INPP4B: variants seen among roughly 807,000 people sequenced by gnomAD.
INPP4B encodes inositol polyphosphate-4-phosphatase type II B, also known as inositol polyphosphate 4-phosphatase type II.
Under a neutral mutation model 122.5 loss-of-function variants are expected in INPP4B, and 55 were observed. The observed-to-expected ratio is 0.45, with a 90% confidence interval of 0.36 to 0.56. The LOEUF is 0.56. Ranked by LOEUF, INPP4B falls within the 20% of genes least tolerant of loss-of-function variation. The pLI is 0.00. For missense variants in INPP4B, 1,000 were observed against 1,097.7 expected (o/e 0.91, Z 1.26); for synonymous variants, 403 against 388.7 (o/e 1.04, Z -0.43).
intron 11 of INPP4B, among the ~76,000 whole-genome samples, chr4:142,258,230 C>T (rs867359592): frequency 6.6e-6 from 1 of 151,548 alleles, no homozygotes; most frequent in Non-Finnish European, 1.5e-5. Context: ...TTAAACGTTA[C>T]ACCTAAAACC....
chr4:142,551,596 G>C (rs991392088), intron 2 of INPP4B, among the ~76,000 whole-genome samples: 2 of 152,126 alleles, frequency 1.3e-5, no homozygotes, highest in East Asian at 3.9e-4. Context: ...ATACACAAAG[G>C]TCTCGTGTGA....
intron 21 of INPP4B, among the ~76,000 whole-genome samples, chr4:142,117,591 G>T (rs2152730337): frequency 6.6e-6 from 1 of 152,160 alleles, no homozygotes; most frequent in Admixed American, 6.5e-5. Context: ...ATGCAGAAAA[G>T]GCCTTTGACA....
intron 14 of INPP4B, among the ~76,000 whole-genome samples, chr4:142,195,221 G>A (rs1243513432): frequency 6.6e-6 from 1 of 152,144 alleles, no homozygotes; most frequent in Non-Finnish European, 1.5e-5. Flanking sequence ...CTTGCATGAG[G>A]TTTTCAAAAT....
intron 1 of INPP4B, among the ~76,000 whole-genome samples, chr4:142,757,607 T>C (rs972998548): frequency 3.3e-5 from 5 of 152,200 alleles, no homozygotes; most frequent in Admixed American, 2.0e-4. Context: ...TTTTTCTAAC[T>C]TGATAGCTCA....
At chr4:142,242,045 TTTAA>T (rs1454405146) in intron 11 of INPP4B, among the ~76,000 whole-genome samples, 8 of 152,230 alleles carry the variant, frequency 5.3e-5, no homozygotes, top group African/African-American at 1.9e-4. Context: ...TATGTAGTTG[TTTAA>T]TTAATTATTC....
intron 2 of INPP4B, among the ~76,000 whole-genome samples, chr4:142,467,743 G>A (rs897441129): frequency 3.3e-5 from 5 of 152,046 alleles, no homozygotes; most frequent in African/African-American, 9.7e-5. Context: ...ATATGGTTTG[G>A]ATGTTTGTCC....
At chr4:142,344,320 TG>T (rs5862587) in intron 7 of INPP4B, among the ~76,000 whole-genome samples, 43,741 of 151,892 alleles carry the variant, frequency 0.29, 7,396 homozygotes, top group Non-Finnish European at 0.39. Context: ...TAAAATTTTA[TG>T]CTATGTGTAT....
Position 142,422,248 on chromosome 4 carries a change from T to C in INPP4B, c.136+6925A>G, listed in dbSNP as rs79639076. ...ATGAAATGATAAGAAGTAATTAATA[T>C]ATGTAAATTATTTAGAACAGCATAT... On this transcript the variant is annotated intron_variant, in intron 5 of 25. Transcript: ENST00000262992. Among the ~76,000 whole-genome samples, 46 of 152,208 alleles carry C rather than the reference T, an allele frequency of 3.0e-4. No homozygotes were observed. In the East Asian group the frequency reaches 8.3e-3, roughly 28 times the overall value.
chr4:142,535,892 T>C (rs1278523177), intron 2 of INPP4B, among the ~76,000 whole-genome samples: 1 of 152,206 alleles, frequency 6.6e-6, no homozygotes, highest in Non-Finnish European at 1.5e-5. Flanking sequence ...TTCAGTTCCC[T>C]CTAGAACATT....
intron 2 of INPP4B, among the ~76,000 whole-genome samples, chr4:142,717,275 C>T (rs969651914): frequency 6.6e-6 from 1 of 152,170 alleles, no homozygotes; most frequent in African/African-American, 2.4e-5. Flanking sequence ...TTCATAGTGG[C>T]TAATATACAT....
At chr4:142,148,882 A>G (rs1469722612) in intron 17 of INPP4B, among the ~76,000 whole-genome samples, 2 of 152,226 alleles carry the variant, frequency 1.3e-5, no homozygotes, top group Non-Finnish European at 2.9e-5. Flanking sequence ...AGATGACACA[A>G]TATTTATTAG....
chr4:142,124,005 G>A (rs28406627), intron 19 of INPP4B, among the ~76,000 whole-genome samples: 32,254 of 151,958 alleles, frequency 0.21, 3,485 homozygotes, highest in South Asian at 0.26. Flanking sequence ...AGGCAGGTGG[G>A]GAGAAGGAAG....
At chr4:142,658,061 T>C (rs188321140) in intron 2 of INPP4B, among the ~76,000 whole-genome samples, 1 of 152,176 alleles carries the variant, frequency 6.6e-6, no homozygotes, top group Non-Finnish European at 1.5e-5. Flanking sequence ...ATTTCTAAAA[T>C]CCTGATGTCT....
chr4:142,131,823 C>T (rs996035164), intron 18 of INPP4B, among the ~76,000 whole-genome samples: 5 of 152,166 alleles, frequency 3.3e-5, no homozygotes, highest in East Asian at 3.9e-4. Flanking sequence ...GGCATGGTGG[C>T]GCATGCCTAT....
chr4:142,203,174 C>A (rs1023773433), intron 14 of INPP4B, among the ~76,000 whole-genome samples: 4 of 151,986 alleles, frequency 2.6e-5, no homozygotes, highest in African/African-American at 4.8e-5. Flanking sequence ...TCTAAAGGGA[C>A]CAGGCTCACA....
chr4:142,642,452 T>G (rs1358132300), intron 2 of INPP4B, among the ~76,000 whole-genome samples: 1 of 152,184 alleles, frequency 6.6e-6, no homozygotes, highest in Non-Finnish European at 1.5e-5. Context: ...GTATAAGGTA[T>G]AAGGAAGGGA....
At chr4:142,362,737 A>G (rs1248787205) in intron 7 of INPP4B, among the ~76,000 whole-genome samples, 2 of 152,046 alleles carry the variant, frequency 1.3e-5, no homozygotes, top group Non-Finnish European at 2.9e-5. Flanking sequence ...ATGCAGGACC[A>G]GAAAACCAAA....
intron 16 of INPP4B, among the ~76,000 whole-genome samples, chr4:142,166,957 C>T (rs1341416647): frequency 6.6e-6 from 1 of 151,744 alleles, no homozygotes; most frequent in African/African-American, 2.4e-5. Flanking sequence ...TAAATTAGTT[C>T]AACCATTATG....
chr4:142,053,312 G>A (rs531500320), intron 25 of INPP4B, among the ~76,000 whole-genome samples: 3 of 152,184 alleles, frequency 2.0e-5, no homozygotes, highest in South Asian at 2.1e-4. Context: ...TTTGAAATAT[G>A]AATTTGGAAA....
Sources: allele counts gnomAD v4.1 joint callset (sites outside exome capture counted in the v4.1 genomes callset), GRCh38; gene constraint gnomAD v4.1.1; transcripts MANE v1.5; gene names NCBI Gene and HGNC (gene_info 2026-07-23, HGNC 2026-07-21).